CBX1: variants seen among roughly 807,000 people sequenced by gnomAD.
CBX1 encodes chromobox 1, also known as chromobox protein homolog 1.
Under a neutral mutation model 25.1 loss-of-function variants are expected in CBX1, and 10 were observed. The observed-to-expected ratio is 0.40, with a 90% CI of 0.25 to 0.68. The LOEUF is 0.68. Ranked by LOEUF, CBX1 falls within the 30% of genes least tolerant of loss-of-function variation. CBX1 has a pLI of 0.40. For synonymous variants in CBX1, 63 were observed against 79.4 expected (o/e 0.79, Z 1.10); for missense variants, 106 against 218.5 (o/e 0.49, Z 3.25).
At chr17:48,092,164 A>G (rs2063347829) in intron 1 of CBX1, among the ~76,000 whole-genome samples, 1 of 148,888 alleles carries the variant, frequency 6.7e-6, no homozygotes, top group South Asian at 2.1e-4. Context: ...CTACTTTTGT[A>G]TTTTTAGTAG....
Position 48,098,484 on chromosome 17 carries a change from TGCG to T in CBX1, c.-38+2781_-38+2783del, listed in dbSNP as rs569729499. Among the ~76,000 whole-genome samples the T allele has an allele frequency of 3.5e-3, 528 of 152,172 alleles. 2 individuals are homozygous for T. The highest frequency in any genetic ancestry group is 0.024 in the Middle Eastern group (7 of 294). ...GTGCCAGGCACTAATGAACAAGAGGTGCGTCCCCATTTTTTCATTTTTCTTTTT... is the reference window on the plus strand; with the variant it reads ...GTGCCAGGCACTAATGAACAAGAGGTTCCCCATTTTTTCATTTTTCTTTTT... On this transcript the variant is annotated intron_variant, in intron 1 of 4. Transcript: ENST00000225603.
chr17:48,086,916 G>A (rs569811113), intron 1 of CBX1, among the ~76,000 whole-genome samples: 10 of 151,900 alleles, frequency 6.6e-5, no homozygotes, highest in African/African-American at 1.7e-4. Flanking sequence ...ATGGCCGGGC[G>A]CGGTGGCTCA....
Position 48,082,992 on chromosome 17 carries a change from A to G in CBX1, c.-37-5951T>C, listed in dbSNP as rs181861525. On this transcript the variant is annotated intron_variant, in intron 1 of 4. Transcript: ENST00000225603. Reference sequence around the variant, plus strand: ...AGCGATTCTCCTGCCTCAGCCTCCCAAGTAGCTGGGATTATTGGCATGCAC... The same window carrying G: ...AGCGATTCTCCTGCCTCAGCCTCCCGAGTAGCTGGGATTATTGGCATGCAC... Among the ~76,000 whole-genome samples the G allele has an allele frequency of 1.1e-3, 167 of 147,872 alleles. 21 individuals carry two copies. Among genetic ancestry groups the G allele is most frequent in the African/African-American group, 4.1e-3 (158 of 38,268 alleles).
At chr17:48,083,479 T>C (rs2037757641) in intron 1 of CBX1, among the ~76,000 whole-genome samples, 1 of 150,678 alleles carries the variant, frequency 6.6e-6, no homozygotes, top group Non-Finnish European at 1.5e-5. Flanking sequence ...CCAGCTGTTT[T>C]CTGACATCTC....
At chr17:48,088,720 TA>T (rs2063326764) in intron 1 of CBX1, 1 of 152,070 alleles carries the variant, frequency 6.6e-6, no homozygotes, top group Non-Finnish European at 1.5e-5. Context: ...CGTCTTTGCA[TA>T]GGGGCCATGC....
intron 1 of CBX1, among the ~76,000 whole-genome samples, chr17:48,093,286 T>TA (rs777087501): frequency 0.011 from 806 of 76,264 alleles, 4 homozygotes; most frequent in Middle Eastern, 0.056. Flanking sequence ...AAAATAAAAT[T>TA]AAAAAAAAAA....
chr17:48,088,245 A>C (rs1351276122), intron 1 of CBX1: 1 of 151,310 alleles, frequency 6.6e-6, no homozygotes, highest in African/African-American at 2.4e-5. Context: ...TGGGAGGTGG[A>C]GGTTACAGTG....
intron 1 of CBX1, among the ~76,000 whole-genome samples, chr17:48,096,158 C>G (rs1037575445): frequency 6.6e-6 from 1 of 152,168 alleles, no homozygotes; most frequent in Non-Finnish European, 1.5e-5. Flanking sequence ...GTATTATAGG[C>G]GTGAGCCATC....
chr17:48,090,920 G>GACCTTATTA (rs2063340790), intron 1 of CBX1, among the ~76,000 whole-genome samples: 2 of 152,238 alleles, frequency 1.3e-5, no homozygotes, highest in Admixed American at 1.3e-4. Context: ...TATTATTCTA[G>GACCTTATTA]TGCAGACAAG....
chr17:48,093,486 G>T (rs1438262145), intron 1 of CBX1, among the ~76,000 whole-genome samples: 2 of 152,158 alleles, frequency 1.3e-5, no homozygotes, highest in Non-Finnish European at 2.9e-5. Flanking sequence ...ATTTTGAAAA[G>T]CTGAGTTTGA....
intron 1 of CBX1, among the ~76,000 whole-genome samples, chr17:48,086,754 G>A (rs1407424097): frequency 6.6e-6 from 1 of 152,132 alleles, no homozygotes; most frequent in Non-Finnish European, 1.5e-5. Context: ...CTACTTGGGA[G>A]CCTGAGGCAG....
rs533156641 is a variant in CBX1 at position 48,092,753 on chromosome 17, C to T, written c.-38+8515G>A. 7.9e-5 allele frequency among the ~76,000 whole-genome samples: 12 copies of T among 151,954 alleles called. 1 individual carries two copies. In the East Asian group the frequency reaches 2.0e-3, roughly 25 times the overall value. On this transcript the variant is annotated intron_variant, in intron 1 of 4. Transcript: ENST00000225603. The stretch of plus-strand genomic sequence containing the variant: ...AGGCGTGAGCCACCGCACCCAGCTG[C>T]GAGACTCTATCTCTAAAAGATTAAT...
intron 1 of CBX1, among the ~76,000 whole-genome samples, chr17:48,093,683 T>C (rs956250130): frequency 6.6e-6 from 1 of 152,236 alleles, no homozygotes; most frequent in Admixed American, 6.5e-5. Flanking sequence ...GTAACACTTA[T>C]ATTCTTCGGT....
chr17:48,089,590 G>A (rs1432241983), intron 1 of CBX1, among the ~76,000 whole-genome samples: 3 of 151,030 alleles, frequency 2.0e-5, no homozygotes, highest in African/African-American at 4.8e-5. Flanking sequence ...TTGGGAGGCC[G>A]AGGTGGGCGG....
intron 4 of CBX1, among the ~76,000 whole-genome samples, chr17:48,072,553 C>G (rs536196331): frequency 3.3e-5 from 5 of 152,062 alleles, no homozygotes; most frequent in African/African-American, 1.2e-4. Flanking sequence ...TTTGGGAAGC[C>G]GAGGCAGGTG....
rs796350669 is a variant in CBX1 at position 48,077,445 on chromosome 17, G to GTTTT, written c.-37-408_-37-405dup. On this transcript the variant is annotated intron_variant, in intron 1 of 4. Transcript: ENST00000225603. Reference sequence around the variant, plus strand: ...GCTAATTTTTGTTGTTTTTTTTTTTGTTTTTTTTGTTTTTTTTTTTTTAGT... The same window carrying GTTTT: ...GCTAATTTTTGTTGTTTTTTTTTTTGTTTTTTTTTTTTGTTTTTTTTTTTTTAGT... Among the ~76,000 whole-genome samples the GTTTT allele has an allele frequency of 9.2e-3, 482 of 52,326 alleles. 10 individuals are homozygous for GTTTT. The highest frequency in any genetic ancestry group is 0.015 in the South Asian group (14 of 922). 34.3% of individuals were successfully genotyped at this position (52,326 alleles called of 152,430 possible).
At chr17:48,087,872 CAAAAAA>C (rs531431865) in intron 1 of CBX1, among the ~76,000 whole-genome samples, 2 of 89,496 alleles carry the variant, frequency 2.2e-5, no homozygotes, top group African/African-American at 8.6e-5. Flanking sequence ...GACTCAGTCT[CAAAAAA>C]AAAAAAAAAA....
chr17:48,090,523 C>G (rs965100421), intron 1 of CBX1, among the ~76,000 whole-genome samples: 1 of 152,162 alleles, frequency 6.6e-6, no homozygotes, highest in African/African-American at 2.4e-5. Flanking sequence ...AGCCCCACTG[C>G]TGCTGCTCTA....
At chr17:48,084,823 T>C (rs2063302761) in intron 1 of CBX1, among the ~76,000 whole-genome samples, 1 of 149,442 alleles carries the variant, frequency 6.7e-6, no homozygotes, top group Non-Finnish European at 1.5e-5. Context: ...GGCAGGAGAA[T>C]GGTGTGAACC....
Sources: allele counts gnomAD v4.1 joint callset (sites outside exome capture counted in the v4.1 genomes callset), GRCh38; gene constraint gnomAD v4.1.1; transcripts MANE v1.5; gene names NCBI Gene and HGNC (gene_info 2026-07-23, HGNC 2026-07-21).